Variants in RAB38 observed in about 807,000 individuals in gnomAD.
RAB38 encodes ras-related protein Rab-38.
Under a neutral mutation model 18.4 loss-of-function variants are expected in RAB38, and 15 were observed. The observed-to-expected ratio is 0.82, with a 90% confidence interval of 0.55 to 1.26. The LOEUF (loss-of-function observed/expected upper bound fraction) is 1.26, where lower values mean the gene tolerates loss of function less well. Among genes scored for constraint, RAB38 ranks in the 50% most tolerant of loss-of-function variants. RAB38 has a pLI of 0.00. For synonymous variants in RAB38, 101 were observed against 104.4 expected (o/e 0.97, Z 0.20); for missense variants, 294 against 267.4 (o/e 1.10, Z -0.69).
the RAB38 span, among the ~76,000 whole-genome samples, chr11:87,910,226 G>A: frequency 2.6e-5 from 4 of 151,984 alleles, no homozygotes; most frequent in East Asian, 1.9e-4. Context: ...ATTATGTTGA[G>A]CAAGTTTTCA....
At chr11:87,829,479 G>A in the RAB38 span, among the ~76,000 whole-genome samples, 1 of 152,168 alleles carries the variant, frequency 6.6e-6, no homozygotes, top group Non-Finnish European at 1.5e-5. Flanking sequence ...AGGGGAAGAG[G>A]CAAGTCTTAC....
the RAB38 span, among the ~76,000 whole-genome samples, chr11:88,020,948 G>A: frequency 6.6e-6 from 1 of 151,920 alleles, no homozygotes; most frequent in Non-Finnish European, 1.5e-5. Flanking sequence ...TACAACAAAA[G>A]CAGTATTAAG....
intron 2 of RAB38, among the ~76,000 whole-genome samples, chr11:88,148,297 A>G (rs1943016883): frequency 6.6e-6 from 1 of 152,238 alleles, no homozygotes. Flanking sequence ...CCACTGTGAC[A>G]GAAAAAGTGG....
the RAB38 span, among the ~76,000 whole-genome samples, chr11:87,892,054 G>A: frequency 9.9e-5 from 15 of 151,830 alleles, no homozygotes; most frequent in Admixed American, 3.9e-4. Context: ...CCTGTTCAAT[G>A]TCTCTTTGAT....
intron 1 of RAB38, among the ~76,000 whole-genome samples, chr11:88,159,836 G>A (rs1943169227): frequency 2.0e-5 from 3 of 152,004 alleles, no homozygotes; most frequent in Admixed American, 2.0e-4. Context: ...ATTCAAGATG[G>A]AATGAAGATT....
the RAB38 span, among the ~76,000 whole-genome samples, chr11:87,926,591 C>T: frequency 6.6e-6 from 1 of 151,932 alleles, no homozygotes; most frequent in Non-Finnish European, 1.5e-5. Context: ...TATATGGAAG[C>T]TTGAGTCCCC....
the RAB38 span, among the ~76,000 whole-genome samples, chr11:88,016,300 G>T: frequency 6.6e-6 from 1 of 152,000 alleles, no homozygotes; most frequent in Non-Finnish European, 1.5e-5. Flanking sequence ...TGTCTCACCT[G>T]GTAACAGTAG....
the RAB38 span, among the ~76,000 whole-genome samples, chr11:88,025,801 A>AT: frequency 2.0e-5 from 3 of 151,932 alleles, no homozygotes; most frequent in Non-Finnish European, 4.4e-5. Flanking sequence ...GTTTACTAAT[A>AT]TTTTTTCCCA....
At chr11:87,830,862 G>A in the RAB38 span, among the ~76,000 whole-genome samples, 9 of 151,806 alleles carry the variant, frequency 5.9e-5, no homozygotes, top group Non-Finnish European at 1.3e-4. Context: ...GCAGTGGTGT[G>A]GTCTCGGCTC....
At chr11:88,072,743 A>G in the RAB38 span, among the ~76,000 whole-genome samples, 93,709 of 151,876 alleles carry the variant, frequency 0.62, 29,161 homozygotes, top group East Asian at 0.69. Context: ...AGCAGTATAC[A>G]CTTACATTAC....
chr11:87,911,868 T>A, the RAB38 span, among the ~76,000 whole-genome samples: 2 of 151,970 alleles, frequency 1.3e-5, no homozygotes, highest in Admixed American at 6.6e-5. Context: ...AGATGCCATT[T>A]ATCAATTGGA....
At chr11:88,060,532 A>G in the RAB38 span, among the ~76,000 whole-genome samples, 2 of 152,196 alleles carry the variant, frequency 1.3e-5, no homozygotes, top group Admixed American at 6.5e-5. Flanking sequence ...GGAGATGTAG[A>G]GAGGTCAAGC....
chr11:88,130,873 T>A lies in RAB38; in HGVS notation c.484-16733A>T, dbSNP rs192627254. 4.7e-4 allele frequency among the ~76,000 whole-genome samples: 72 copies of A among 152,268 alleles called. 1 individual carries two copies. In the South Asian group the frequency reaches 7.7e-3, roughly 16 times the overall value. On this transcript the variant is annotated intron_variant, in intron 2 of 2. Coordinates refer to ENST00000243662, the MANE Select transcript of RAB38 (RefSeq NM_022337.3). ...CCCAAAGGCAGAAGCGAAACTGACA[T>A]GAGGGATGAAATTAGAATTTTAGAA...
intron 2 of RAB38, among the ~76,000 whole-genome samples, chr11:88,122,536 AATTATTGAACACTTT>A (rs1375170067): frequency 3.9e-5 from 6 of 152,222 alleles, no homozygotes; most frequent in Non-Finnish European, 7.3e-5. Context: ...AATTGCTAAC[AATTATTGAACACTTT>A]ATTATTGAAC....
At chr11:88,044,347 C>A in the RAB38 span, among the ~76,000 whole-genome samples, 5 of 152,184 alleles carry the variant, frequency 3.3e-5, no homozygotes, top group African/African-American at 1.2e-4. Context: ...GGCAAGCACC[C>A]CCCAACCCCT....
the RAB38 span, among the ~76,000 whole-genome samples, chr11:87,810,792 A>G: frequency 2.3e-4 from 27 of 117,052 alleles, no homozygotes; most frequent in Non-Finnish European, 2.1e-4. Flanking sequence ...TCAACAGCAC[A>G]ATGAATAGAA....
the RAB38 span, among the ~76,000 whole-genome samples, chr11:87,935,798 T>G: frequency 1.3e-5 from 2 of 152,112 alleles, no homozygotes; most frequent in East Asian, 3.9e-4. Flanking sequence ...CATTTTATAA[T>G]TTTGTCATTT....
chr11:88,088,040 T>A, the RAB38 span, among the ~76,000 whole-genome samples: 1 of 151,842 alleles, frequency 6.6e-6, no homozygotes, highest in Non-Finnish European at 1.5e-5. Context: ...CTGCCTAGCA[T>A]TGGAGGTGTG....
the RAB38 span, among the ~76,000 whole-genome samples, chr11:88,032,938 T>G: frequency 1.3e-5 from 2 of 152,236 alleles, no homozygotes; most frequent in Non-Finnish European, 2.9e-5. Context: ...ATATGTTTAT[T>G]GTGGCATTAT....
Sources: allele counts gnomAD v4.1 joint callset (sites outside exome capture counted in the v4.1 genomes callset), GRCh38; gene constraint gnomAD v4.1.1; transcripts MANE v1.5; gene names NCBI Gene and HGNC (gene_info 2026-07-23, HGNC 2026-07-21).